Variants in STAMBPL1 observed in about 807,000 individuals in gnomAD.
STAMBPL1 encodes the protein AMSH-like protease.
A neutral mutation model predicts 52.9 loss-of-function variants in STAMBPL1; 44 were observed. That is an observed-to-expected ratio of 0.83 (90% CI 0.65 to 1.07). STAMBPL1 has a LOEUF of 1.07. STAMBPL1 is among the 50% of genes least tolerant of loss of function. The pLI is 0.00. For missense variants in STAMBPL1, 511 were observed against 520.8 expected, an observed-to-expected ratio of 0.98 and a Z score of 0.18; for synonymous variants, 164 against 177.3, an observed-to-expected ratio of 0.92 and a Z score of 0.60.
chr10:88,916,566 C>A, intron 7 of STAMBPL1, 114 bp from the exon 8 acceptor site: 1 of 1,036,200 alleles, frequency 9.7e-7, no homozygotes, highest in Non-Finnish European at 1.3e-6. Flanking sequence ...GTCCCTGTAC[C>A]TGGACACACC....
intron 3 of STAMBPL1, 132 bp downstream of exon 3, chr10:88,905,792 G>A: frequency 1.4e-6 from 1 of 721,158 alleles, no homozygotes; most frequent in Non-Finnish European, 2.2e-6. Flanking sequence ...AGCATTAAAT[G>A]TTCAAGTTTT....
At position 88,920,582 on chromosome 10, in the gene STAMBPL1, T is replaced by C. The variant is rs959166033; in HGVS notation, c.1042-701T>C. On this transcript the variant is annotated intron_variant, in intron 8 of 10. Coordinates refer to ENST00000371926, the MANE Select transcript of STAMBPL1 (RefSeq NM_020799.4). ...ACTAGGTGTGCATTTATTTTTTATA[T>C]TCAAATATGAACCTCCGATTGGCCA... Among the ~76,000 whole-genome samples the C allele has an allele frequency of 8.5e-4, 130 of 152,342 alleles. No individual in the cohort carries two copies. In the Middle Eastern group the frequency reaches 0.01, roughly 12 times the overall value.
chr10:88,896,543 G>A (rs1844814267), intron 1 of STAMBPL1, among the ~76,000 whole-genome samples: 1 of 152,178 alleles, frequency 6.6e-6, no homozygotes, highest in African/African-American at 2.4e-5. Context: ...TAACCCAGTG[G>A]CTGTTGGTTT....
intron 5 of STAMBPL1, chr10:88,912,343 T>C (rs1845247489): frequency 6.6e-6 from 1 of 152,222 alleles, no homozygotes; most frequent in African/African-American, 2.4e-5. Context: ...CCTGAAAGGC[T>C]CATTAATATT....
In STAMBPL1 at chr10:88,904,577, A is replaced by G. The variant is rs186013104; in HGVS notation, c.31-866A>G. On this transcript the variant is annotated intron_variant, in intron 2 of 10. Transcript: ENST00000371926. ...TGCTGAGAGCTGAATTCAAGTTGCA[A>G]TGGAAACCATATGGCTAGCAGAGCC... 2.5e-3 allele frequency among the ~76,000 whole-genome samples: 386 copies of G among 152,330 alleles called. 3 individuals carry two copies. The highest frequency in any genetic ancestry group is 4.3e-3 in the Non-Finnish European group (290 of 68,036).
intron 5 of STAMBPL1, chr10:88,912,732 TAGTGGCCACTATATTAGAAGTGC>T (rs1156414865): frequency 5.9e-6 from 1 of 169,402 alleles, no homozygotes; most frequent in Non-Finnish European, 1.3e-5. Flanking sequence ...CACATGTGGC[TAGTGGCCACTATATTAGAAGTGC>T]AGTAGGGGTG....
chr10:88,903,222 A>C (rs558347926), intron 2 of STAMBPL1, among the ~76,000 whole-genome samples: 9 of 152,350 alleles, frequency 5.9e-5, no homozygotes, highest in Admixed American at 5.2e-4. Flanking sequence ...GTTATTTTCC[A>C]GCTTATCTTT....
intron 2 of STAMBPL1, among the ~76,000 whole-genome samples, chr10:88,903,818 C>T (rs17114057): frequency 4.6e-5 from 7 of 152,234 alleles, no homozygotes; most frequent in South Asian, 2.1e-4. Context: ...GGGGAAGCCA[C>T]GTAATAAAAT....
At chr10:88,888,403 C>T (rs148520433) in intron 1 of STAMBPL1, among the ~76,000 whole-genome samples, 3 of 152,152 alleles carry the variant, frequency 2.0e-5, no homozygotes, top group South Asian at 4.1e-4. Flanking sequence ...GATCAAGGAA[C>T]AGGTGGGTGA....
At chr10:88,921,223 A>T in intron 8 of STAMBPL1, 60 bp from the exon 9 acceptor site, 1 of 1,291,494 alleles carries the variant, frequency 7.7e-7, no homozygotes, top group Non-Finnish European at 1.1e-6. Flanking sequence ...CTATTAAAAT[A>T]GCCTATGGCC....
At chr10:88,883,444 T>C (rs111307689) in intron 1 of STAMBPL1, among the ~76,000 whole-genome samples, 12 of 152,208 alleles carry the variant, frequency 7.9e-5, no homozygotes, top group African/African-American at 1.2e-4. Flanking sequence ...AACTGTCCAA[T>C]TGAACGTGTG....
intron 1 of STAMBPL1, chr10:88,882,052 T>C (rs929928157): frequency 2.0e-5 from 3 of 152,234 alleles, no homozygotes; most frequent in Non-Finnish European, 4.4e-5. Context: ...AATCTGCTTT[T>C]GCGTATACGT....
Position 88,913,115 on chromosome 10 carries a change from T to TG in STAMBPL1, c.436dup (p.Glu146GlyfsTer62). ...ACACTTTTTAGAACAAATATAAAGC[T>TG]GAAATTCTCAAAAAATTGGAGCATC... is the stretch of plus-strand genomic sequence containing the variant. On this transcript the variant is annotated frameshift_variant, in exon 6 of 11. Coordinates refer to ENST00000371926, the MANE Select transcript of STAMBPL1 (RefSeq NM_020799.4). LOFTEE classifies it high-confidence loss of function. 12 of 1,596,854 alleles carry TG rather than the reference T, an allele frequency of 7.5e-6. No homozygotes were observed. The highest frequency in any genetic ancestry group is 1.0e-5 in the Non-Finnish European group (12 of 1,172,222).
At chr10:88,901,591 G>A in intron 1 of STAMBPL1, 65 bp from the exon 2 acceptor site, 1 of 931,850 alleles carries the variant, frequency 1.1e-6, no homozygotes, top group Non-Finnish European at 1.6e-6. Flanking sequence ...ATAACCCTGG[G>A]GTTTGGGATT....
At chr10:88,912,829 C>T in intron 5 of STAMBPL1, 1 of 334,832 alleles carries the variant, frequency 3.0e-6, no homozygotes, top group Non-Finnish European at 5.4e-6. Context: ...GTTGATTTTC[C>T]AGTATTTAAA....
intron 4 of STAMBPL1, 50 bp downstream of exon 4, chr10:88,908,827 C>A: frequency 7.0e-7 from 1 of 1,427,532 alleles, no homozygotes; most frequent in Non-Finnish European, 9.5e-7. Flanking sequence ...CCATAAGTAT[C>A]CATTATTGAT....
chr10:88,908,714 A>G lies in STAMBPL1; in HGVS notation c.261A>G (p.Glu87=). The G allele has an allele frequency of 6.2e-7, 1 of 1,610,056 alleles. No homozygotes were observed. ...TTCTCTTCCTTAGCTTATTTGTAGA[A>G]AAGCTTCCTAACCATCGAGATTACC... The part of the protein sequence containing the change: ...LYNKFITLFV[E]KLPNHRDYQQ... The change falls in exon 4 of 11, where the codon GAA becomes GAG. Residue 87 remains glutamate (E), a synonymous_variant. Coordinates refer to ENST00000371926, the MANE Select transcript of STAMBPL1 (RefSeq NM_020799.4).
intron 1 of STAMBPL1, among the ~76,000 whole-genome samples, chr10:88,885,149 C>G (rs1306647213): frequency 1.3e-5 from 2 of 152,178 alleles, no homozygotes; most frequent in African/African-American, 4.8e-5. Context: ...AGCTGGCCGT[C>G]AAACCCAGGC....
At chr10:88,919,200 C>G (rs1041187630) in intron 8 of STAMBPL1, among the ~76,000 whole-genome samples, 1 of 152,168 alleles carries the variant, frequency 6.6e-6, no homozygotes, top group Non-Finnish European at 1.5e-5. Context: ...CAGCAAGTTA[C>G]TCACTTTCCT....
Sources: gnomAD v4.1 joint callset for allele counts (sites outside exome capture counted in the v4.1 genomes callset) on GRCh38, gnomAD v4.1.1 for gene constraint, MANE v1.5 for transcripts, NCBI Gene and HGNC (gene_info 2026-07-23, HGNC 2026-07-21) for gene names.